Variants in FGD4 observed in about 807,000 individuals in gnomAD.
FGD4 encodes the protein FYVE, RhoGEF and PH domain-containing protein 4.
A neutral mutation model predicts 102.0 loss-of-function variants in FGD4; 42 were observed. That is an observed-to-expected ratio of 0.41 (90% CI 0.32 to 0.53). The LOEUF is 0.53. Among genes scored for constraint, FGD4 ranks in the 20% least tolerant of loss-of-function variants. FGD4 has a pLI of 0.21. For synonymous variants in FGD4, 380 were observed against 375.7 expected, an observed-to-expected ratio of 1.01 and a Z score of -0.13; for missense variants, 902 against 1,078.2, an observed-to-expected ratio of 0.84 and a Z score of 2.29.
chr12:32,557,953 G>A (rs759500314), intron 1 of FGD4, among the ~76,000 whole-genome samples: 19 of 152,116 alleles, frequency 1.2e-4, no homozygotes, highest in Non-Finnish European at 2.2e-4. Flanking sequence ...GAGAAACCTG[G>A]TAGATGCCAC....
intron 1 of FGD4, among the ~76,000 whole-genome samples, chr12:32,500,944 C>T (rs1592024860): frequency 2.0e-5 from 3 of 152,324 alleles, no homozygotes; most frequent in South Asian, 4.1e-4. Context: ...GGCACTGTCC[C>T]TGGTCTTGAG....
chr12:32,438,223 T>C (rs1321663295), intron 1 of FGD4, among the ~76,000 whole-genome samples: 2 of 152,206 alleles, frequency 1.3e-5, no homozygotes, highest in African/African-American at 4.8e-5. Context: ...TCTTCCCATC[T>C]TAGAAAATAC....
In FGD4 at chr12:32,399,627, G is replaced by A; in HGVS notation, c.-167G>A. ...AAACTCGCCGCGACGCCGGGAGGGAGCGTACCGGGAAGGAGAGGGAGAGGA... is the reference window on the plus strand; with the variant it reads ...AAACTCGCCGCGACGCCGGGAGGGAACGTACCGGGAAGGAGAGGGAGAGGA... On this transcript the variant is annotated 5_prime_UTR_variant, in exon 1 of 17. Coordinates refer to ENST00000534526, the MANE Select transcript of FGD4 (RefSeq NM_001370298.3). 7.1e-7 allele frequency: 1 copy of A among 1,400,000 alleles called. No homozygotes were observed. Among genetic ancestry groups the A allele is most frequent in the South Asian group, 1.5e-5 (1 of 64,640 alleles). The allele number at this position is 1,400,000 out of a possible 1,614,324, so 86.7% of individuals were successfully genotyped here. A position where few individuals can be genotyped will look rare whatever the true frequency, so the allele number is the denominator to read the frequency against.
At position 32,432,514 on chromosome 12, in the gene FGD4, G is replaced by A. The variant is rs574521531; in HGVS notation, c.166+32555G>A. 2.0e-5 allele frequency among the ~76,000 whole-genome samples: 3 copies of A among 151,842 alleles called. No individual in the cohort carries two copies. The South Asian group carries it at 6.3e-4, about 32-fold the overall frequency. ...TCCTGTAATCCCAGCTACTCAGGAGGCTGAGATTGAACCCAGGAGGCGGAG... is the reference window on the plus strand; with the variant it reads ...TCCTGTAATCCCAGCTACTCAGGAGACTGAGATTGAACCCAGGAGGCGGAG... On this transcript the variant is annotated intron_variant, in intron 1 of 16. Coordinates refer to ENST00000534526, the MANE Select transcript of FGD4 (RefSeq NM_001370298.3).
rs904582 is a variant in FGD4, at chr12:32,582,302, C to G, written c.846C>G (p.Asp282Glu). The G allele has an allele frequency of 1.4e-3, 2,312 of 1,614,028 alleles. 25 individuals carry two copies. In the African/African-American group the frequency reaches 0.026, roughly 18 times the overall value. The change falls in exon 4 of 17, where the codon GAC (aspartate) becomes GAG (glutamate). Residue 282 changes from aspartate (D) to glutamate (E), a missense_variant. Asp to Glu is a conservative substitution (Grantham distance 45, BLOSUM62 2). Transcript: ENST00000534526. Reference sequence around the variant, plus strand: ...CAGCTCCTGCATCACCCACAACAGACAGCTGTGATGGAAATGCTTCTGACA... The same window carrying G: ...CAGCTCCTGCATCACCCACAACAGAGAGCTGTGATGGAAATGCTTCTGACA... Reference protein sequence around the residue: ...TATAPASPTTDSCDGNASDSS... With the variant: ...TATAPASPTTESCDGNASDSS...
chr12:32,404,331 T>C (rs1295542408), intron 1 of FGD4, among the ~76,000 whole-genome samples: 5 of 151,974 alleles, frequency 3.3e-5, no homozygotes, highest in Non-Finnish European at 7.4e-5. Flanking sequence ...TCCTGAGAAC[T>C]TCTAGAGTAC....
Position 32,624,657 on chromosome 12 carries a change from A to G in FGD4, c.1953+205A>G, listed in dbSNP as rs1444379633. 3 of 680,736 alleles carry G rather than the reference A, an allele frequency of 4.4e-6. No individual in the cohort carries two copies. In the South Asian group the frequency reaches 4.6e-5, roughly 10 times the overall value. The allele number at this position is 680,736 out of a possible 1,614,324, so 42.2% of individuals were successfully genotyped here. ...GGTTAATTTTTTTTTTGTATTTCGT[A>G]GAGACGAGGTTTTGCCATGCTGCCC... On this transcript the variant is annotated intron_variant, in intron 12 of 16. Coordinates refer to ENST00000534526, the MANE Select transcript of FGD4 (RefSeq NM_001370298.3).
intron 1 of FGD4, among the ~76,000 whole-genome samples, chr12:32,438,682 T>C (rs1942320684): frequency 6.6e-6 from 1 of 151,648 alleles, no homozygotes; most frequent in Non-Finnish European, 1.5e-5. Flanking sequence ...CGATCTCAAC[T>C]GCAACCTCCA....
intron 10 of FGD4, among the ~76,000 whole-genome samples, chr12:32,616,889 G>C (rs1949484683): frequency 6.6e-6 from 1 of 152,188 alleles, no homozygotes. Context: ...ATTTTCTGCA[G>C]TTCTGGAGGC....
At chr12:32,436,147 T>C (rs1942221920) in intron 1 of FGD4, among the ~76,000 whole-genome samples, 1 of 152,170 alleles carries the variant, frequency 6.6e-6, no homozygotes, top group African/African-American at 2.4e-5. Flanking sequence ...GCCCTCCTAT[T>C]AGAATAAATA....
chr12:32,643,429 G>T lies in FGD4; in HGVS notation c.*2896G>T, dbSNP rs1951259328. ...TGCAGAGTATAAGGAAGGGAAATGG[G>T]AAGGGGCATCATTCCTTGGATTTTA... On this transcript the variant is annotated 3_prime_UTR_variant, in exon 17 of 17. Coordinates refer to ENST00000534526, the MANE Select transcript of FGD4 (RefSeq NM_001370298.3). 6.6e-6 allele frequency: 1 copy of T among 151,856 alleles called. No individual in the cohort carries two copies. The highest frequency in any genetic ancestry group is 1.5e-5 in the Non-Finnish European group (1 of 67,770). 9.4% of individuals were successfully genotyped at this position (151,856 alleles called of 1,614,324 possible).
chr12:32,418,570 C>T (rs561356612), intron 1 of FGD4, among the ~76,000 whole-genome samples: 24 of 152,294 alleles, frequency 1.6e-4, no homozygotes, highest in African/African-American at 4.8e-4. Context: ...CAAATGGAGT[C>T]TCTCTCTGTG....
chr12:32,444,224 A>G (rs953209991), intron 1 of FGD4, among the ~76,000 whole-genome samples: 1 of 151,748 alleles, frequency 6.6e-6, no homozygotes, highest in Non-Finnish European at 1.5e-5. Context: ...GGGTCTTACT[A>G]TGTTGCCCAG....
chr12:32,434,410 GT>G (rs1046029577), intron 1 of FGD4, among the ~76,000 whole-genome samples: 1 of 152,178 alleles, frequency 6.6e-6, no homozygotes, highest in Non-Finnish European at 1.5e-5. Context: ...TTTAAATACA[GT>G]TTTTTACAGC....
intron 1 of FGD4, among the ~76,000 whole-genome samples, chr12:32,489,201 G>T (rs945012978): frequency 4.6e-5 from 7 of 152,092 alleles, no homozygotes; most frequent in Non-Finnish European, 1.0e-4. Flanking sequence ...AGTCTTCTAA[G>T]GATCAACTTT....
intron 8 of FGD4, among the ~76,000 whole-genome samples, chr12:32,610,339 A>G (rs2136756911): frequency 6.6e-6 from 1 of 152,340 alleles, no homozygotes; most frequent in Non-Finnish European, 1.5e-5. Context: ...TAAGTTTCAA[A>G]GTCTGAGTAT....
Position 32,624,956 on chromosome 12 carries a change from G to T in FGD4, c.1954-20G>T. ...TATGAGAAACTTTAATGTGTGCTTTGAATTTTACTTATACTTTAGGCCCTT... is the reference window on the plus strand; with the variant it reads ...TATGAGAAACTTTAATGTGTGCTTTTAATTTTACTTATACTTTAGGCCCTT... On this transcript the variant is annotated intron_variant, in intron 12 of 16. Coordinates refer to ENST00000534526, the MANE Select transcript of FGD4 (RefSeq NM_001370298.3). The T allele has an allele frequency of 1.2e-6, 2 of 1,603,810 alleles. No homozygotes were observed. The highest frequency in any genetic ancestry group is 2.2e-5 in the South Asian group (2 of 90,722).
intron 10 of FGD4, among the ~76,000 whole-genome samples, chr12:32,612,513 G>A (rs1949206506): frequency 6.6e-6 from 1 of 152,234 alleles, no homozygotes; most frequent in South Asian, 2.1e-4. Context: ...TCCTTTGACA[G>A]TATAATTTAC....
intron 1 of FGD4, among the ~76,000 whole-genome samples, chr12:32,498,296 C>A (rs899640709): frequency 1.3e-5 from 2 of 152,106 alleles, no homozygotes; most frequent in Non-Finnish European, 2.9e-5. Flanking sequence ...CTAGACAGTT[C>A]CCTTTTAAAA....
Sources: gnomAD v4.1 joint callset for allele counts (sites outside exome capture counted in the v4.1 genomes callset) on GRCh38, gnomAD v4.1.1 for gene constraint, MANE v1.5 for transcripts, NCBI Gene and HGNC (gene_info 2026-07-23, HGNC 2026-07-21) for gene names.